SEMA6A: variants seen among roughly 807,000 people sequenced by gnomAD.
SEMA6A encodes semaphorin-6A.
A neutral mutation model predicts 96.8 loss-of-function variants in SEMA6A; 25 were observed. That is an observed-to-expected ratio of 0.26 (90% CI 0.19 to 0.36). The LOEUF (loss-of-function observed/expected upper bound fraction) is 0.36. Ranked by LOEUF, SEMA6A falls within the 10% of genes least tolerant of loss-of-function variation. The pLI is 1.00. For missense variants in SEMA6A, 1,363 were observed against 1,323.1 expected, an observed-to-expected ratio of 1.03 and a Z score of -0.47; for synonymous variants, 612 against 518.0, an observed-to-expected ratio of 1.18 and a Z score of -2.46.
intron 1 of SEMA6A, among the ~76,000 whole-genome samples, chr5:116,535,706 C>T (rs912921749): frequency 3.3e-5 from 5 of 152,170 alleles, no homozygotes; most frequent in Non-Finnish European, 5.9e-5. Context: ...AAATGTCCAG[C>T]TATTATATAG....
At chr5:116,515,933 T>A (rs1488643699) in intron 1 of SEMA6A, among the ~76,000 whole-genome samples, 1 of 152,246 alleles carries the variant, frequency 6.6e-6, no homozygotes, top group Non-Finnish European at 1.5e-5. Flanking sequence ...ATTTAAACTT[T>A]GACCTAACCC....
chr5:116,522,942 C>T (rs1351607749), intron 1 of SEMA6A, among the ~76,000 whole-genome samples: 1 of 152,134 alleles, frequency 6.6e-6, no homozygotes, highest in Non-Finnish European at 1.5e-5. Context: ...AGAATGACTG[C>T]TCCCAGAGAA....
At chr5:116,469,613 TTC>T (rs1472530912) in intron 17 of SEMA6A, 3 of 152,204 alleles carry the variant, frequency 2.0e-5, no homozygotes, top group Non-Finnish European at 2.9e-5. Flanking sequence ...GTAGCAAGAT[TTC>T]TTTTACCTGA....
At chr5:116,502,969 A>AGT (rs1757958493) in intron 2 of SEMA6A, among the ~76,000 whole-genome samples, 1 of 152,194 alleles carries the variant, frequency 6.6e-6, no homozygotes, top group Non-Finnish European at 1.5e-5. Flanking sequence ...GGTCAAACTG[A>AGT]GTGTAGCCAG....
At chr5:116,559,211 CTT>C (rs1409302607) in intron 1 of SEMA6A, among the ~76,000 whole-genome samples, 2 of 152,166 alleles carry the variant, frequency 1.3e-5, no homozygotes, top group East Asian at 3.9e-4. Flanking sequence ...TTTCAGCAGT[CTT>C]TGTGAAGAGC....
intron 1 of SEMA6A, among the ~76,000 whole-genome samples, chr5:116,515,531 G>A (rs905496621): frequency 6.6e-6 from 1 of 152,240 alleles, no homozygotes; most frequent in South Asian, 2.1e-4. Flanking sequence ...CCAGTAAAAA[G>A]ATATCTGGAG....
chr5:116,551,554 G>C (rs1435916445), intron 1 of SEMA6A, among the ~76,000 whole-genome samples: 6 of 152,120 alleles, frequency 3.9e-5, no homozygotes, highest in Non-Finnish European at 8.8e-5. Flanking sequence ...TTACAAAGGA[G>C]GAAACTGAGG....
intron 11 of SEMA6A, among the ~76,000 whole-genome samples, chr5:116,481,342 G>A (rs1293363783): frequency 1.3e-5 from 2 of 152,156 alleles, no homozygotes; most frequent in Non-Finnish European, 2.9e-5. Context: ...CTAGAAGGTA[G>A]TTAACAATCC....
chr5:116,502,590 CTCTT>C (rs1287158691), intron 2 of SEMA6A: 1 of 399,656 alleles, frequency 2.5e-6, no homozygotes, highest in Non-Finnish European at 4.5e-6. Context: ...TGATTTGTCT[CTCTT>C]TCTCAGGGCT....
Position 116,446,693 on chromosome 5 carries a change from A to G in SEMA6A, c.3013T>C (p.Ser1005Pro). ...LTRSGLKRTP[S>P]LKPDVPPKPS... Reference sequence around the variant, plus strand: ...TTGGGGGGTACGTCCGGCTTTAGCGAGGGCGTACGCTTCAGCCCCGACCTT... The same window carrying G: ...TTGGGGGGTACGTCCGGCTTTAGCGGGGGCGTACGCTTCAGCCCCGACCTT... The change falls in exon 19 of 19, where the codon TCG becomes CCG. Residue 1005 changes from serine to proline, a missense_variant. This residue lies in a region of SEMA6A where 883 missense variants were observed against 763.6 expected (regional missense o/e 1.16). Transcript: ENST00000343348. 6.3e-7 allele frequency: 1 copy of G among 1,578,162 alleles called. No individual in the cohort carries two copies. The highest frequency in any genetic ancestry group is 8.6e-7 in the Non-Finnish European group (1 of 1,161,114).
chr5:116,570,800 G>A (rs1187124069), intron 1 of SEMA6A, among the ~76,000 whole-genome samples: 2 of 152,144 alleles, frequency 1.3e-5, no homozygotes, highest in African/African-American at 4.8e-5. Flanking sequence ...TTTCATATAG[G>A]AGTGCAACTA....
At chr5:116,477,987 T>C (rs1756547623) in intron 14 of SEMA6A, 27 bp downstream of exon 14, 1 of 1,613,978 alleles carries the variant, frequency 6.2e-7, no homozygotes, top group Non-Finnish European at 8.5e-7. Flanking sequence ...ATGGACTTTC[T>C]AATTGTCAAT....
At position 116,476,277 on chromosome 5, in the gene SEMA6A, G is replaced by C. The variant is rs376216956; in HGVS notation, c.1650-674C>G. Among the ~76,000 whole-genome samples the C allele has an allele frequency of 1.9e-4, 29 of 152,252 alleles. No homozygotes were observed. The East Asian group carries it at 5.2e-3, about 27-fold the overall frequency. On this transcript the variant is annotated intron_variant, in intron 15 of 18. Coordinates refer to ENST00000343348, the MANE Select transcript of SEMA6A (RefSeq NM_020796.5). The stretch of plus-strand genomic sequence containing the variant: ...ATTAACAAAACCAATTTTAATAAAA[G>C]CTATTTTGATTTTTAAAATAAGCAC...
At chr5:116,536,743 C>T (rs951030408) in intron 1 of SEMA6A, among the ~76,000 whole-genome samples, 1 of 152,030 alleles carries the variant, frequency 6.6e-6, no homozygotes, top group Non-Finnish European at 1.5e-5. Context: ...CTCCATGTGC[C>T]GTGTTCTCTT....
chr5:116,566,637 A>G (rs1022091062), intron 1 of SEMA6A, among the ~76,000 whole-genome samples: 4 of 152,354 alleles, frequency 2.6e-5, no homozygotes, highest in Middle Eastern at 6.8e-3. Context: ...TGTGGTGATA[A>G]CATCAATTTA....
chr5:116,478,291 T>A (rs1580410354), intron 13 of SEMA6A, 137 bp from the exon 14 acceptor site: 1 of 997,730 alleles, frequency 1.0e-6, no homozygotes, highest in African/African-American at 1.6e-5. Flanking sequence ...CTTCTGCTCT[T>A]GCACACACGT....
intron 7 of SEMA6A, among the ~76,000 whole-genome samples, chr5:116,489,800 A>T (rs565049843): frequency 2.0e-5 from 3 of 152,360 alleles, no homozygotes; most frequent in African/African-American, 7.2e-5. Context: ...ATTAGTCTCT[A>T]GACCTTTTTG....
intron 5 of SEMA6A, 37 bp from the exon 6 acceptor site, chr5:116,495,551 T>A: frequency 7.0e-7 from 1 of 1,431,744 alleles, no homozygotes; most frequent in Non-Finnish European, 9.7e-7. Flanking sequence ...ATCATGTCCA[T>A]TCAGTACAGA....
At position 116,478,037 on chromosome 5, in the gene SEMA6A, A is replaced by G; in HGVS notation, c.1545T>C (p.Cys515=). The G allele has an allele frequency of 1.2e-6, 2 of 1,613,980 alleles. No individual in the cohort carries two copies. Among genetic ancestry groups the G allele is most frequent in the Non-Finnish European group, 1.7e-6 (2 of 1,179,866 alleles). Residue 515 remains cysteine (C), a synonymous_variant, in exon 14 of 19, where the codon TGT becomes TGC. Transcript: ENST00000343348. ...TCVIKVPLGR[C]ERHGKCKKTC... Reference sequence around the variant, plus strand: ...ACTTTTTACACTTCCCATGTCGTTCACACCGGCCAAGGGGAACCTTTATCA... The same window carrying G: ...ACTTTTTACACTTCCCATGTCGTTCGCACCGGCCAAGGGGAACCTTTATCA...
Sources: allele counts gnomAD v4.1 joint callset (sites outside exome capture counted in the v4.1 genomes callset), GRCh38; gene constraint gnomAD v4.1.1; regional missense constraint gnomAD v4.1.1; transcripts MANE v1.5; gene names NCBI Gene and HGNC (gene_info 2026-07-23, HGNC 2026-07-21).